Variants in ARFIP1 observed in about 807,000 individuals in gnomAD.
The protein encoded by ARFIP1 is ARF interacting protein 1.
ARFIP1 carries 24 observed loss-of-function variants against 42.5 expected under a neutral mutation model. The observed-to-expected ratio is 0.57, with a 90% CI of 0.41 to 0.80. The LOEUF is 0.80. ARFIP1 is among the 30% of genes least tolerant of loss of function. The probability of loss-of-function intolerance (pLI) is 0.00; values close to 1 mark genes in which losing one functional copy is unlikely to be tolerated. For synonymous variants in ARFIP1, 141 were observed against 153.7 expected (o/e 0.92, Z 0.61); for missense variants, 354 against 434.0 (o/e 0.82, Z 1.64).
chr4:152,841,117 C>T (rs1216272891), intron 2 of ARFIP1, among the ~76,000 whole-genome samples: 1 of 151,862 alleles, frequency 6.6e-6, no homozygotes, highest in Non-Finnish European at 1.5e-5. Flanking sequence ...CTCACTGCAA[C>T]CTCCACCTCC....
At chr4:152,872,697 G>A (rs1305333787) in intron 5 of ARFIP1, 133 bp downstream of exon 5, 1 of 500,190 alleles carries the variant, frequency 2.0e-6, no homozygotes, top group Non-Finnish European at 3.5e-6. Context: ...TAGAAATACA[G>A]TTTGAAAATG....
chr4:152,813,574 A>G (rs1454107769), intron 1 of ARFIP1, among the ~76,000 whole-genome samples: 1 of 151,958 alleles, frequency 6.6e-6, no homozygotes, highest in Non-Finnish European at 1.5e-5. Flanking sequence ...TCTTTGCATT[A>G]TACTTTTAGT....
chr4:152,906,035 A>G (rs373386297), intron 8 of ARFIP1, among the ~76,000 whole-genome samples: 6 of 152,298 alleles, frequency 3.9e-5, no homozygotes, highest in African/African-American at 1.4e-4. Flanking sequence ...CTCTTTGCCA[A>G]ACCAAAGATC....
chr4:152,880,337 A>G (rs1196303504), intron 5 of ARFIP1, among the ~76,000 whole-genome samples: 1 of 146,174 alleles, frequency 6.8e-6, no homozygotes, highest in Non-Finnish European at 1.5e-5. Flanking sequence ...ATAGAGAGAG[A>G]CTCCATCTCA....
chr4:152,800,161 C>A (rs1728283236), intron 1 of ARFIP1, among the ~76,000 whole-genome samples: 1 of 152,142 alleles, frequency 6.6e-6, no homozygotes, highest in African/African-American at 2.4e-5. Flanking sequence ...AACAAAAGTA[C>A]AGTTTAGGAA....
At chr4:152,815,738 C>CTTTTTT (rs1218298842) in intron 1 of ARFIP1, among the ~76,000 whole-genome samples, 16 of 85,564 alleles carry the variant, frequency 1.9e-4, no homozygotes, top group Non-Finnish European at 2.8e-4. Context: ...CTGACCACTT[C>CTTTTTT]TTTTTTTTTT....
chr4:152,902,468 C>G (rs1320687090), intron 8 of ARFIP1, among the ~76,000 whole-genome samples: 1 of 152,100 alleles, frequency 6.6e-6, no homozygotes, highest in Non-Finnish European at 1.5e-5. Context: ...TGTTGCTGCA[C>G]TCTAGCTTGG....
At chr4:152,853,453 G>GT (rs1425280133) in intron 2 of ARFIP1, among the ~76,000 whole-genome samples, 2 of 152,174 alleles carry the variant, frequency 1.3e-5, no homozygotes, top group Non-Finnish European at 2.9e-5. Flanking sequence ...TGGCTGGACA[G>GT]TTTTTTTCTT....
At chr4:152,897,150 A>G (rs568057606) in intron 8 of ARFIP1, among the ~76,000 whole-genome samples, 2 of 152,320 alleles carry the variant, frequency 1.3e-5, no homozygotes, top group Admixed American at 1.3e-4. Flanking sequence ...TATATAAACC[A>G]TACAACCAAA....
intron 8 of ARFIP1, among the ~76,000 whole-genome samples, chr4:152,889,492 T>G (rs11936032): frequency 0.14 from 11,659 of 85,840 alleles, 773 homozygotes; most frequent in Middle Eastern, 0.19. Context: ...TTGCATTCAT[T>G]TTAGTCATAT....
At chr4:152,788,229 CAAAACAA>C (rs1730929518) in intron 1 of ARFIP1, among the ~76,000 whole-genome samples, 1 of 151,906 alleles carries the variant, frequency 6.6e-6, no homozygotes, top group South Asian at 2.1e-4. Flanking sequence ...GACTCCGTCT[CAAAACAA>C]AAAATGTGTT....
chr4:152,855,591 G>C (rs994076605), intron 2 of ARFIP1, among the ~76,000 whole-genome samples: 1 of 152,220 alleles, frequency 6.6e-6, no homozygotes, highest in African/African-American at 2.4e-5. Flanking sequence ...TGCTTCTCTT[G>C]TTTTTCAGGA....
At chr4:152,828,346 T>C (rs1297805808) in intron 1 of ARFIP1, among the ~76,000 whole-genome samples, 1 of 152,272 alleles carries the variant, frequency 6.6e-6, no homozygotes, top group East Asian at 1.9e-4. Flanking sequence ...TGAGAGTTCC[T>C]GTTGCTTCAC....
chr4:152,880,834 G>A (rs1723816060), intron 5 of ARFIP1, 129 bp from the exon 6 acceptor site: 1 of 665,982 alleles, frequency 1.5e-6, no homozygotes, highest in African/African-American at 1.8e-5. Context: ...GATCAAGTAA[G>A]GGAGCTGACA....
intron 1 of ARFIP1, among the ~76,000 whole-genome samples, chr4:152,809,346 A>AG (rs1174626051): frequency 6.6e-6 from 1 of 152,222 alleles, no homozygotes; most frequent in Non-Finnish European, 1.5e-5. Context: ...AACTAAAAAA[A>AG]GTCCATCATT....
At chr4:152,839,772 G>A (rs1196293633) in intron 2 of ARFIP1, among the ~76,000 whole-genome samples, 1 of 152,010 alleles carries the variant, frequency 6.6e-6, no homozygotes, top group African/African-American at 2.4e-5. Context: ...GTTGTTGTTT[G>A]TTTCAATTTC....
intron 8 of ARFIP1, among the ~76,000 whole-genome samples, chr4:152,893,543 G>A (rs1391906670): frequency 6.6e-6 from 1 of 152,054 alleles, no homozygotes; most frequent in Non-Finnish European, 1.5e-5. Context: ...GAATATATTG[G>A]GAGTGGGATC....
At chr4:152,841,889 C>T (rs1732110285) in intron 2 of ARFIP1, among the ~76,000 whole-genome samples, 1 of 152,146 alleles carries the variant, frequency 6.6e-6, no homozygotes. Flanking sequence ...AGGCACCCGT[C>T]TCGAGGAAAT....
chr4:152,805,930 C>T (rs1728961026), intron 1 of ARFIP1, among the ~76,000 whole-genome samples: 1 of 152,170 alleles, frequency 6.6e-6, no homozygotes, highest in African/African-American at 2.4e-5. Flanking sequence ...CGGGCTCTGC[C>T]CTTTCCCAAG....
Sources: allele counts gnomAD v4.1 joint callset (sites outside exome capture counted in the v4.1 genomes callset), GRCh38; gene constraint gnomAD v4.1.1; transcripts MANE v1.5; gene names NCBI Gene and HGNC (gene_info 2026-07-23, HGNC 2026-07-21).